The following SHROOM3 variants were observed in gnomAD, a reference collection of about 807,000 sequenced individuals.
The protein encoded by SHROOM3 is shroom family member 3.
Under a neutral mutation model 138.6 loss-of-function variants are expected in SHROOM3, and 47 were observed. The observed-to-expected ratio is 0.34, with a 90% CI of 0.27 to 0.43. The LOEUF is 0.43. SHROOM3 is among the 20% of genes least tolerant of loss of function. The pLI, the probability that SHROOM3 is intolerant of heterozygous loss-of-function variation, is 1.00. For missense variants in SHROOM3, 2,491 were observed against 2,596.5 expected, an observed-to-expected ratio of 0.96 and a Z score of 0.88; for synonymous variants, 1,062 against 1,063.3, an observed-to-expected ratio of 1.00 and a Z score of 0.02.
In SHROOM3 at chr4:76,571,434, G is replaced by A. The variant is rs114825208; in HGVS notation, c.323+15671G>A. Among the ~76,000 whole-genome samples, 700 of 152,202 alleles carry A rather than the reference G, an allele frequency of 4.6e-3. 10 individuals are homozygous for A. Among genetic ancestry groups the A allele is most frequent in the African/African-American group, 0.016 (662 of 41,510 alleles). ...TTTGCTTTAAAGAAAGCACACACTG[G>A]GCCCTTTTGTTTTCCCAGCAGTGTT... On this transcript the variant is annotated intron_variant, in intron 2 of 10. Transcript: ENST00000296043.
intron 1 of SHROOM3, among the ~76,000 whole-genome samples, chr4:76,449,986 C>A (rs1462807109): frequency 6.6e-6 from 1 of 152,054 alleles, no homozygotes; most frequent in Non-Finnish European, 1.5e-5. Flanking sequence ...AAAAATTGAG[C>A]TTGTATGTGT....
intron 2 of SHROOM3, among the ~76,000 whole-genome samples, chr4:76,592,337 G>A (rs1346691702): frequency 6.6e-6 from 1 of 152,176 alleles, no homozygotes; most frequent in Non-Finnish European, 1.5e-5. Flanking sequence ...GCAGTTGTGA[G>A]CATTAAATGA....
At position 76,498,558 on chromosome 4, in the gene SHROOM3, G is replaced by C. The variant is rs147519724; in HGVS notation, c.169-57051G>C. The stretch of plus-strand genomic sequence containing the variant: ...TTAGAAGTGGTATGTTTTCATTAAC[G>C]CTACCTTAATTAATATCCCCTTAAT... On this transcript the variant is annotated intron_variant, in intron 1 of 10. Transcript: ENST00000296043. Among the ~76,000 whole-genome samples the C allele has an allele frequency of 3.2e-3, 494 of 152,100 alleles. 3 individuals carry two copies. The highest frequency in any genetic ancestry group is 0.011 in the African/African-American group (465 of 41,478).
At chr4:76,640,556 A>C (rs1328531217) in intron 2 of SHROOM3, among the ~76,000 whole-genome samples, 1 of 152,196 alleles carries the variant, frequency 6.6e-6, no homozygotes, top group African/African-American at 2.4e-5. Flanking sequence ...AAAAGCCAGA[A>C]ACAGTATGAG....
At chr4:76,568,109 G>T (rs988364933) in intron 2 of SHROOM3, among the ~76,000 whole-genome samples, 3 of 152,108 alleles carry the variant, frequency 2.0e-5, no homozygotes, top group African/African-American at 7.2e-5. Context: ...CGATGGCAGG[G>T]ATTTTGTTCG....
chr4:76,538,434 T>A (rs1030080435), intron 1 of SHROOM3, among the ~76,000 whole-genome samples: 7 of 152,070 alleles, frequency 4.6e-5, no homozygotes, highest in Admixed American at 2.0e-4. Context: ...TGGAAGGACA[T>A]CTGTGAGGAT....
intron 2 of SHROOM3, among the ~76,000 whole-genome samples, chr4:76,592,286 C>G (rs1734290575): frequency 6.6e-6 from 1 of 152,140 alleles, no homozygotes; most frequent in Non-Finnish European, 1.5e-5. Flanking sequence ...AGGCAGTTAG[C>G]TTTTACTCTG....
At chr4:76,557,153 A>T (rs904446199) in intron 2 of SHROOM3, among the ~76,000 whole-genome samples, 2 of 152,040 alleles carry the variant, frequency 1.3e-5, no homozygotes, top group African/African-American at 4.8e-5. Flanking sequence ...ATGCCAAAAT[A>T]TGGCAACAAT....
intron 1 of SHROOM3, among the ~76,000 whole-genome samples, chr4:76,532,723 G>A (rs116059014): frequency 1.4e-4 from 22 of 152,236 alleles, no homozygotes; most frequent in African/African-American, 4.8e-4. Context: ...TATTCTTACT[G>A]TAGATTTTAG....
At chr4:76,459,947 T>G (rs1436926676) in intron 1 of SHROOM3, among the ~76,000 whole-genome samples, 3 of 152,198 alleles carry the variant, frequency 2.0e-5, no homozygotes, top group African/African-American at 2.4e-5. Context: ...GTGCTGCTGC[T>G]TCTTATTTAC....
chr4:76,596,015 A>G (rs1482110509), intron 2 of SHROOM3, among the ~76,000 whole-genome samples: 4 of 152,128 alleles, frequency 2.6e-5, no homozygotes, highest in Non-Finnish European at 1.5e-5. Context: ...ATGCACACAC[A>G]CTGAATCCTA....
intron 1 of SHROOM3, among the ~76,000 whole-genome samples, chr4:76,473,252 T>C (rs1389950094): frequency 6.6e-6 from 1 of 152,228 alleles, no homozygotes; most frequent in Non-Finnish European, 1.5e-5. Context: ...CAAGAAAATA[T>C]TTGTAAATTT....
At position 76,758,768 on chromosome 4, in the gene SHROOM3, A is replaced by T. The variant is rs1015660437; in HGVS notation, c.5199-777A>T. ...ATAGTAAAATGATGGGCTAGATGTT[A>T]AATAATATCACAAGATTAAATAAAG... On this transcript the variant is annotated intron_variant, in intron 8 of 10. Coordinates refer to ENST00000296043, the MANE Select transcript of SHROOM3 (RefSeq NM_020859.4). 2.0e-5 allele frequency among the ~76,000 whole-genome samples: 3 copies of T among 152,184 alleles called. 1 individual carries two copies. The South Asian group carries it at 6.2e-4, about 32-fold the overall frequency.
intron 1 of SHROOM3, among the ~76,000 whole-genome samples, chr4:76,471,939 T>C (rs766650681): frequency 5.3e-5 from 8 of 152,192 alleles, no homozygotes; most frequent in Non-Finnish European, 8.8e-5. Context: ...ACATCCTGTC[T>C]CTGCTGTTTG....
intron 2 of SHROOM3, chr4:76,645,233 A>C (rs1456514420): frequency 1.3e-5 from 2 of 152,260 alleles, no homozygotes; most frequent in African/African-American, 2.4e-5. Context: ...TCTGTGGCTC[A>C]ACTAGCAGCA....
chr4:76,595,677 C>G (rs534089271), intron 2 of SHROOM3, among the ~76,000 whole-genome samples: 5 of 152,102 alleles, frequency 3.3e-5, no homozygotes, highest in African/African-American at 9.7e-5. Flanking sequence ...AGTCAGATTA[C>G]CAAGAATAGT....
intron 3 of SHROOM3, among the ~76,000 whole-genome samples, chr4:76,722,254 A>G (rs1019907213): frequency 6.6e-6 from 1 of 152,216 alleles, no homozygotes; most frequent in African/African-American, 2.4e-5. Context: ...ACATGGAATC[A>G]TCCTAAAGGG....
chr4:76,545,240 G>T (rs1466402756), intron 1 of SHROOM3, among the ~76,000 whole-genome samples: 1 of 152,102 alleles, frequency 6.6e-6, no homozygotes, highest in East Asian at 1.9e-4. Context: ...CGGCCACCTT[G>T]GGGTAGATGG....
At chr4:76,688,363 C>T in intron 2 of SHROOM3, 2 of 984,972 alleles carry the variant, frequency 2.0e-6, no homozygotes, top group Non-Finnish European at 2.4e-6. Flanking sequence ...AGAGCACAGA[C>T]AAGTAAAGGT....
Sources: allele counts gnomAD v4.1 joint callset (sites outside exome capture counted in the v4.1 genomes callset), GRCh38; gene constraint gnomAD v4.1.1; transcripts MANE v1.5; gene names NCBI Gene and HGNC (gene_info 2026-07-23, HGNC 2026-07-21).